The following ADAMTS19 variants were observed in gnomAD, a reference collection of about 807,000 sequenced individuals.
ADAMTS19 encodes the protein A disintegrin and metalloproteinase with thrombospondin motifs 19.
In ADAMTS19, 93 loss-of-function variants were observed where a neutral mutation model predicts 153.3. That is an observed-to-expected ratio of 0.61 (90% CI 0.51 to 0.72). The LOEUF (loss-of-function observed/expected upper bound fraction) is 0.72. ADAMTS19 is among the 30% of genes least tolerant of loss of function. The pLI is 0.00. For missense variants in ADAMTS19, 1,482 were observed against 1,552.1 expected (o/e 0.95, Z 0.76); for synonymous variants, 600 against 556.6 (o/e 1.08, Z -1.10).
chr5:129,563,154 T>G, intron 7 of ADAMTS19, among the ~76,000 whole-genome samples: 1 of 152,112 alleles, frequency 6.6e-6, no homozygotes, highest in East Asian at 1.9e-4. Flanking sequence ...TTTTGCCAGG[T>G]GAGAAGAGGT....
intron 14 of ADAMTS19, among the ~76,000 whole-genome samples, chr5:129,656,990 G>A (rs963578327): frequency 2.0e-5 from 3 of 152,322 alleles, no homozygotes; most frequent in Middle Eastern, 6.8e-3. Flanking sequence ...AACATGGAAA[G>A]ACTTTTCTTC....
chr5:129,608,116 G>GTGTGTGTGTGTGTGTGTA (rs377008786), intron 8 of ADAMTS19, among the ~76,000 whole-genome samples: 1 of 47,928 alleles, frequency 2.1e-5, no homozygotes, highest in African/African-American at 5.4e-5. Context: ...GTGTGTGTGT[G>GTGTGTGTGTGTGTGTGTA]TATATATATA....
chr5:129,483,505 G>T (rs1750485355), intron 2 of ADAMTS19, among the ~76,000 whole-genome samples: 1 of 152,160 alleles, frequency 6.6e-6, no homozygotes, highest in African/African-American at 2.4e-5. Flanking sequence ...ATGCTCAGTT[G>T]TGACAGCCCA....
At chr5:129,675,681 A>G (rs1456632219) in intron 16 of ADAMTS19, among the ~76,000 whole-genome samples, 1 of 152,064 alleles carries the variant, frequency 6.6e-6, no homozygotes, top group African/African-American at 2.4e-5. Context: ...TTACTCTTCA[A>G]TATTACATAT....
At chr5:129,643,788 T>G (rs1032669620) in intron 11 of ADAMTS19, among the ~76,000 whole-genome samples, 1 of 152,164 alleles carries the variant, frequency 6.6e-6, no homozygotes, top group Non-Finnish European at 1.5e-5. Flanking sequence ...TTTTATTTTT[T>G]AAATATATAC....
At position 129,640,775 on chromosome 5, in the gene ADAMTS19, G is replaced by A. The variant is rs148035711; in HGVS notation, c.1771-1084G>A. On this transcript the variant is annotated intron_variant, in intron 10 of 22. Coordinates refer to ENST00000274487, the MANE Select transcript of ADAMTS19 (RefSeq NM_133638.6). ...CCTCCACTCTCTTCTCCCAGTATCT[G>A]GATAGGTAGTAACACAGTCATCTTC... Among the ~76,000 whole-genome samples, 422 of 152,014 alleles carry A rather than the reference G, an allele frequency of 2.8e-3. 2 individuals are homozygous for A. Among genetic ancestry groups the A allele is most frequent in the East Asian group, 0.01 (54 of 5,162 alleles).
chr5:129,481,240 G>GGA (rs752315319), intron 2 of ADAMTS19, among the ~76,000 whole-genome samples: 11 of 152,156 alleles, frequency 7.2e-5, no homozygotes, highest in African/African-American at 2.4e-4. Flanking sequence ...CAAGGTGGCA[G>GGA]GAGAGAGAGA....
chr5:129,608,112 G>GTATATATATATATATATA (rs1219945367), intron 8 of ADAMTS19, among the ~76,000 whole-genome samples: 8 of 31,838 alleles, frequency 2.5e-4, no homozygotes, highest in Non-Finnish European at 6.3e-4. Flanking sequence ...GTGTGTGTGT[G>GTATATATATATATATATA]TGTGTATATA....
intron 18 of ADAMTS19, among the ~76,000 whole-genome samples, chr5:129,692,893 G>C (rs1426329390): frequency 6.6e-6 from 1 of 152,152 alleles, no homozygotes; most frequent in Non-Finnish European, 1.5e-5. Flanking sequence ...TCAAAGGAAA[G>C]GGCCTGTTAC....
In ADAMTS19 at chr5:129,658,303, GAAAGAAAAAGAA is replaced by G. The variant is rs1201592774; in HGVS notation, c.2305-312_2305-301del. On this transcript the variant is annotated intron_variant, in intron 14 of 22. Transcript: ENST00000274487. ...CCCATCTGAAAGAAAAAGAAAGAAA[GAAAGAAAAAGAA>G]AGAAAGAAAGAAAGAAAGAAAGAAA... 4.1e-4 allele frequency among the ~76,000 whole-genome samples: 42 copies of G among 101,424 alleles called. 1 individual carries two copies. In the South Asian group the frequency reaches 7.3e-3, roughly 18 times the overall value. The allele number at this position is 101,424 out of a possible 152,430, so 66.5% of individuals were successfully genotyped here. A position where few individuals can be genotyped will look rare whatever the true frequency, so the allele number is the denominator to read the frequency against.
intron 7 of ADAMTS19, among the ~76,000 whole-genome samples, chr5:129,556,975 G>A (rs985686025): frequency 6.6e-6 from 1 of 152,076 alleles, no homozygotes; most frequent in Non-Finnish European, 1.5e-5. Flanking sequence ...AATATTACAA[G>A]CAGCCATGGA....
Position 129,648,971 on chromosome 5 carries a change from G to A in ADAMTS19, c.2176+1G>A. On this transcript the variant is annotated splice_donor_variant, in intron 13 of 22. Coordinates refer to ENST00000274487, the MANE Select transcript of ADAMTS19 (RefSeq NM_133638.6). LOFTEE classifies it high-confidence loss of function. ...CAGTGGCAAGCTGTCCTGGATGAAG[G>A]TATGACCAACCAGATCACCACCATC... The A allele has an allele frequency of 6.3e-7, 1 of 1,587,082 alleles. No homozygotes were observed. The highest frequency in any genetic ancestry group is 8.6e-7 in the Non-Finnish European group (1 of 1,160,620).
chr5:129,474,950 T>A (rs907434364), intron 2 of ADAMTS19, among the ~76,000 whole-genome samples: 1 of 152,196 alleles, frequency 6.6e-6, no homozygotes, highest in Non-Finnish European at 1.5e-5. Flanking sequence ...TTTCTACTAT[T>A]TAGTTTTAAG....
intron 14 of ADAMTS19, among the ~76,000 whole-genome samples, chr5:129,658,377 G>GAGAGAGAGAGAGA (rs1318590344): frequency 6.7e-6 from 1 of 148,316 alleles, no homozygotes; most frequent in African/African-American, 2.6e-5. Context: ...AAGAGAGAGA[G>GAGAGAGAGAGAGA]GAAGGAAGGA....
intron 2 of ADAMTS19, among the ~76,000 whole-genome samples, chr5:129,465,850 T>C (rs555705307): frequency 1.3e-5 from 2 of 152,244 alleles, no homozygotes; most frequent in East Asian, 3.9e-4. Context: ...TATAAAGCAG[T>C]ATTAGAAGAG....
At chr5:129,631,160 G>GTTTTT (rs35770896) in intron 10 of ADAMTS19, among the ~76,000 whole-genome samples, 2 of 127,700 alleles carry the variant, frequency 1.6e-5, no homozygotes, top group African/African-American at 2.9e-5. Context: ...AAAATTTTAG[G>GTTTTT]TTTTTTTTTT....
At chr5:129,730,178 T>C (rs1434446136) in intron 21 of ADAMTS19, among the ~76,000 whole-genome samples, 1 of 152,078 alleles carries the variant, frequency 6.6e-6, no homozygotes, top group Non-Finnish European at 1.5e-5. Flanking sequence ...TTAAGGCTTT[T>C]AAAGGAGAAA....
chr5:129,515,895 C>T (rs1389914513), intron 3 of ADAMTS19, among the ~76,000 whole-genome samples: 1 of 151,802 alleles, frequency 6.6e-6, no homozygotes, highest in Non-Finnish European at 1.5e-5. Flanking sequence ...TCTGTTTTTC[C>T]CCTTTAGTAT....
At chr5:129,544,617 G>T (rs189213084) in intron 6 of ADAMTS19, among the ~76,000 whole-genome samples, 153 of 152,166 alleles carry the variant, frequency 1.0e-3, no homozygotes, top group Non-Finnish European at 5.7e-4. Flanking sequence ...CAAAAACAAA[G>T]CAAGTTCTGG....
Sources: gnomAD v4.1 joint callset for allele counts (sites outside exome capture counted in the v4.1 genomes callset) on GRCh38, gnomAD v4.1.1 for gene constraint, MANE v1.5 for transcripts, NCBI Gene and HGNC (gene_info 2026-07-23, HGNC 2026-07-21) for gene names.